Variants in HP1BP3 observed in about 807,000 individuals in gnomAD.
The protein encoded by HP1BP3 is heterochromatin protein 1 binding protein 3, also known as heterochromatin protein 1-binding protein 3.
Under a neutral mutation model 62.5 loss-of-function variants are expected in HP1BP3, and 12 were observed. That is an observed-to-expected ratio of 0.19 (90% CI 0.12 to 0.31). The LOEUF is 0.31. HP1BP3 is among the 10% of genes least tolerant of loss of function. The pLI is 1.00. For missense variants in HP1BP3, 502 were observed against 651.8 expected (o/e 0.77, Z 2.50); for synonymous variants, 260 against 237.8 (o/e 1.09, Z -0.86).
At chr1:20,752,696 C>T (rs1170464955) in intron 9 of HP1BP3, among the ~76,000 whole-genome samples, 1 of 152,040 alleles carries the variant, frequency 6.6e-6, no homozygotes, top group Non-Finnish European at 1.5e-5. Context: ...TGGTTATTGT[C>T]TTCTTTACTG....
rs1180585404 is a variant in HP1BP3 at position 20,740,723 on chromosome 1, G to A, written c.*4074C>T. Among the ~76,000 whole-genome samples the A allele has an allele frequency of 1.3e-5, 2 of 152,156 alleles. No homozygotes were observed. Among genetic ancestry groups the A allele is most frequent in the African/African-American group, 2.4e-5 (1 of 41,440 alleles). ...TCCTGGCTACTTGGGAGGCTGAGGT[G>A]GGGAGAACTGCTTGAGCACACGAGT... On this transcript the variant is annotated 3_prime_UTR_variant, in exon 13 of 13. Coordinates refer to ENST00000438032, the MANE Select transcript of HP1BP3 (RefSeq NM_001372052.1).
In HP1BP3 at chr1:20,744,642, A is replaced by G; in HGVS notation, c.*155T>C. ...CCAATAAAAGCACCTAAAGCTAGCA[A>G]ATGCCTAAACTGGTTTATTTAGAGT... On this transcript the variant is annotated 3_prime_UTR_variant, in exon 13 of 13. Transcript: ENST00000438032. 1 of 681,390 alleles carries G rather than the reference A, an allele frequency of 1.5e-6. No individual in the cohort carries two copies. Among genetic ancestry groups the G allele is most frequent in the Non-Finnish European group, 2.4e-6 (1 of 414,230 alleles). 42.2% of individuals were successfully genotyped at this position (681,390 alleles called of 1,614,324 possible). A position where few individuals can be genotyped will look rare whatever the true frequency, so the allele number is the denominator to read the frequency against.
chr1:20,756,581 C>T (rs915565671), intron 9 of HP1BP3, among the ~76,000 whole-genome samples: 2 of 151,878 alleles, frequency 1.3e-5, no homozygotes, highest in Non-Finnish European at 2.9e-5. Context: ...AAAAAAAGGC[C>T]GGGAGGTGGC....
At chr1:20,765,257 A>G (rs1158854554) in intron 8 of HP1BP3, 120 bp downstream of exon 8, 1 of 594,320 alleles carries the variant, frequency 1.7e-6, no homozygotes. Context: ...ACCAATAAAA[A>G]AGATTTATTT....
At position 20,764,997 on chromosome 1, in the gene HP1BP3, T is replaced by C. The variant is rs1241750194; in HGVS notation, c.890+380A>G. ...CAGCCTGGCCAACATGATGAAACCT[T>C]GGCTCTACTAAAAATACAAAAATTA... On this transcript the variant is annotated intron_variant, in intron 8 of 12. Coordinates refer to ENST00000438032, the MANE Select transcript of HP1BP3 (RefSeq NM_001372052.1). Among the ~76,000 whole-genome samples the C allele has an allele frequency of 1.3e-5, 2 of 151,446 alleles. 1 individual carries two copies. The highest frequency in any genetic ancestry group is 2.9e-5 in the Non-Finnish European group (2 of 67,894).
intron 9 of HP1BP3, chr1:20,750,099 T>A: frequency 2.3e-6 from 2 of 857,748 alleles, no homozygotes; most frequent in East Asian, 3.4e-5. Context: ...TCCTTCCATC[T>A]ACCCTCCATC....
rs182100175 is a variant in HP1BP3, at chr1:20,759,927, C to T, written c.891-2671G>A. 4.7e-3 allele frequency among the ~76,000 whole-genome samples: 636 copies of T among 136,396 alleles called. 6 individuals carry two copies. Among genetic ancestry groups the T allele is most frequent in the African/African-American group, 0.016 (565 of 35,554 alleles). 89.5% of individuals were successfully genotyped at this position (136,396 alleles called of 152,430 possible). On this transcript the variant is annotated intron_variant, in intron 8 of 12. Transcript: ENST00000438032. Reference sequence around the variant, plus strand: ...GCCCCGAGACAGAGTCTTGCTCTGTCGCCCAGGCTGGAGTGCAGTGGCACA... The same window carrying T: ...GCCCCGAGACAGAGTCTTGCTCTGTTGCCCAGGCTGGAGTGCAGTGGCACA...
rs1330230211 is a variant in HP1BP3 at position 20,780,442 on chromosome 1, T to G, written c.-2A>C. On this transcript the variant is annotated 5_prime_UTR_variant, in exon 2 of 13. Coordinates refer to ENST00000438032, the MANE Select transcript of HP1BP3 (RefSeq NM_001372052.1). ...ACCTTGAGACGTATCAGTCGCCATT[T>G]TAAATAATTTCTAGGCCCGAGTACA... The G allele has an allele frequency of 6.2e-7, 1 of 1,608,252 alleles. No individual in the cohort carries two copies. The highest frequency in any genetic ancestry group is 1.7e-5 in the Admixed American group (1 of 60,014).
At chr1:20,781,576 G>C (rs2057549921) in intron 1 of HP1BP3, among the ~76,000 whole-genome samples, 1 of 152,160 alleles carries the variant, frequency 6.6e-6, no homozygotes, top group Non-Finnish European at 1.5e-5. Flanking sequence ...AGAATTCAGT[G>C]CAGTGTAACA....
intron 1 of HP1BP3, among the ~76,000 whole-genome samples, chr1:20,785,264 C>T (rs1196668054): frequency 6.6e-6 from 1 of 152,110 alleles, no homozygotes; most frequent in East Asian, 1.9e-4. Context: ...AATAAAAAGC[C>T]CCAAATTTCA....
At chr1:20,786,577 G>C (rs868151906) in intron 1 of HP1BP3, 1 of 152,244 alleles carries the variant, frequency 6.6e-6, no homozygotes, top group African/African-American at 2.4e-5. Flanking sequence ...ACGCTCGGCA[G>C]GGACACCGCG....
intron 8 of HP1BP3, among the ~76,000 whole-genome samples, chr1:20,761,800 G>A (rs1273671317): frequency 6.6e-6 from 1 of 152,168 alleles, no homozygotes; most frequent in African/African-American, 2.4e-5. Flanking sequence ...AGGAGATTGA[G>A]AAACGAAGGG....
At chr1:20,745,973 C>T (rs183062810) in intron 11 of HP1BP3, among the ~76,000 whole-genome samples, 1 of 152,148 alleles carries the variant, frequency 6.6e-6, no homozygotes, top group African/African-American at 2.4e-5. Flanking sequence ...AATGAGTACA[C>T]AGCAATGAAC....
chr1:20,773,960 A>G (rs2057177070), intron 4 of HP1BP3: 1 of 161,250 alleles, frequency 6.2e-6, no homozygotes, highest in African/African-American at 2.4e-5. Flanking sequence ...AAGCTCTTAA[A>G]GTCAGAAAAC....
chr1:20,786,229 G>A (rs975360500), intron 1 of HP1BP3: 2 of 152,330 alleles, frequency 1.3e-5, no homozygotes, highest in Admixed American at 6.5e-5. Flanking sequence ...TCAGATGGGC[G>A]ACTGTAACTT....
intron 1 of HP1BP3, among the ~76,000 whole-genome samples, chr1:20,782,315 G>A (rs1028086012): frequency 6.6e-6 from 1 of 151,928 alleles, no homozygotes. Flanking sequence ...CAGGTGTGGT[G>A]GCTCACACCT....
chr1:20,780,650 G>A (rs2057501180), intron 1 of HP1BP3, 110 bp from the exon 2 acceptor site: 1 of 555,368 alleles, frequency 1.8e-6, no homozygotes, highest in South Asian at 2.7e-5. Flanking sequence ...AAAATTTATA[G>A]GTAAGTGACA....
intron 12 of HP1BP3, 81 bp from the exon 13 acceptor site, chr1:20,745,172 A>C: frequency 6.8e-7 from 1 of 1,467,460 alleles, no homozygotes; most frequent in Non-Finnish European, 9.2e-7. Flanking sequence ...CTTTCTAAAG[A>C]GAAACGGCAT....
At position 20,749,407 on chromosome 1, in the gene HP1BP3, G is replaced by C. The variant is rs187342476; in HGVS notation, c.1141+316C>G. 5.0e-3 allele frequency among the ~76,000 whole-genome samples: 725 copies of C among 143,824 alleles called. 6 individuals are homozygous for C. The highest frequency in any genetic ancestry group is 0.018 in the African/African-American group (692 of 38,436). 94.4% of individuals were successfully genotyped at this position (143,824 alleles called of 152,430 possible). A position where few individuals can be genotyped will look rare whatever the true frequency, so the allele number is the denominator to read the frequency against. ...TAGTCTCGCAACTATTGTCCGGATTGGAGTACAATGGTGCAATCTCGGCTC... is the reference window on the plus strand; with the variant it reads ...TAGTCTCGCAACTATTGTCCGGATTCGAGTACAATGGTGCAATCTCGGCTC... On this transcript the variant is annotated intron_variant, in intron 10 of 12. Coordinates refer to ENST00000438032, the MANE Select transcript of HP1BP3 (RefSeq NM_001372052.1).
Sources: allele counts gnomAD v4.1 joint callset (sites outside exome capture counted in the v4.1 genomes callset), GRCh38; gene constraint gnomAD v4.1.1; transcripts MANE v1.5; gene names NCBI Gene and HGNC (gene_info 2026-07-23, HGNC 2026-07-21).